Variants in FMN1 observed in about 807,000 individuals in gnomAD.
FMN1 encodes the protein formin-1.
Under a neutral mutation model 132.4 loss-of-function variants are expected in FMN1, and 110 were observed. The observed-to-expected ratio is 0.83, with a 90% confidence interval of 0.71 to 0.97. The LOEUF is 0.97. Among genes scored for constraint, FMN1 ranks in the 50% least tolerant of loss-of-function variants. FMN1 has a pLI of 0.00. For synonymous variants in FMN1, 722 were observed against 651.7 expected (o/e 1.11, Z -1.64); for missense variants, 1,792 against 1,705.3 (o/e 1.05, Z -0.90).
At chr15:32,802,664 C>T (rs967726582) in intron 18 of FMN1, among the ~76,000 whole-genome samples, 6 of 152,210 alleles carry the variant, frequency 3.9e-5, no homozygotes, top group East Asian at 1.9e-4. Context: ...GGCCCCTCCA[C>T]GCTGGGCCCC....
intron 7 of FMN1, among the ~76,000 whole-genome samples, chr15:32,976,954 C>A (rs771375521): frequency 1.3e-5 from 2 of 152,134 alleles, no homozygotes; most frequent in African/African-American, 4.8e-5. Flanking sequence ...TTCTGGGGGA[C>A]GTTAATCTGT....
At chr15:32,801,493 A>G (rs2057477095) in intron 18 of FMN1, among the ~76,000 whole-genome samples, 1 of 152,116 alleles carries the variant, frequency 6.6e-6, no homozygotes, top group South Asian at 2.1e-4. Flanking sequence ...TTGGCCGGGC[A>G]CAGTGGCTCA....
rs2056109296 is a variant in FMN1 at position 32,768,155 on chromosome 15, C to G, written c.*6155G>C. 1 of 152,132 alleles carries G rather than the reference C, an allele frequency of 6.6e-6. No individual in the cohort carries two copies. Among genetic ancestry groups the G allele is most frequent in the African/African-American group, 2.4e-5 (1 of 41,436 alleles). 9.4% of individuals were successfully genotyped at this position (152,132 alleles called of 1,614,324 possible). Reference sequence around the variant, plus strand: ...AGAAATCTGGAATTCAAAATCCATGCTAAGAGTTTCCAGAGTGTTCATCCC... The same window carrying G: ...AGAAATCTGGAATTCAAAATCCATGGTAAGAGTTTCCAGAGTGTTCATCCC... On this transcript the variant is annotated 3_prime_UTR_variant, in exon 21 of 21. Coordinates refer to ENST00000616417, the MANE Select transcript of FMN1 (RefSeq NM_001277313.2).
chr15:32,910,638 GT>G, intron 10 of FMN1, 103 bp from the exon 11 acceptor site: 1 of 860,586 alleles, frequency 1.2e-6, no homozygotes, highest in Non-Finnish European at 1.9e-6. Flanking sequence ...AGAGTATTGC[GT>G]TTTCTTACAC....
intron 6 of FMN1, among the ~76,000 whole-genome samples, chr15:33,036,534 G>A (rs553359715): frequency 2.6e-5 from 4 of 152,248 alleles, no homozygotes; most frequent in African/African-American, 4.8e-5. Context: ...TGAGAGCTGA[G>A]ATTTCTGTCA....
At chr15:32,935,736 G>A (rs921843779) in intron 9 of FMN1, among the ~76,000 whole-genome samples, 6 of 151,188 alleles carry the variant, frequency 4.0e-5, no homozygotes, top group Admixed American at 2.0e-4. Flanking sequence ...CAAGCGATTC[G>A]CCTGCCTCAG....
At position 32,812,179 on chromosome 15, in the gene FMN1, G is replaced by A. The variant is rs368128053; in HGVS notation, c.3929-7847C>T. Among the ~76,000 whole-genome samples the A allele has an allele frequency of 3.3e-5, 5 of 152,202 alleles. No individual in the cohort carries two copies. In the South Asian group the frequency reaches 6.2e-4, roughly 19 times the overall value. On this transcript the variant is annotated intron_variant, in intron 17 of 20. Transcript: ENST00000616417. The stretch of plus-strand genomic sequence containing the variant: ...TCAGTTTCCCCATATACACATCACC[G>A]GGAACATTCTAAATGTCTAGGACAA...
intron 4 of FMN1, among the ~76,000 whole-genome samples, chr15:33,138,459 A>G (rs888600406): frequency 6.6e-6 from 1 of 152,084 alleles, no homozygotes; most frequent in Admixed American, 6.6e-5. Flanking sequence ...CTCCCCAAGG[A>G]CAGTCTGGCA....
intron 4 of FMN1, among the ~76,000 whole-genome samples, chr15:33,134,780 T>C (rs1165968234): frequency 6.6e-6 from 1 of 152,224 alleles, no homozygotes; most frequent in Non-Finnish European, 1.5e-5. Context: ...GGTGGGCAGA[T>C]TACCTGAGGT....
chr15:33,069,793 T>C (rs1169180039), intron 5 of FMN1, among the ~76,000 whole-genome samples: 1 of 152,150 alleles, frequency 6.6e-6, no homozygotes, highest in Admixed American at 6.5e-5. Flanking sequence ...CTCCTGATCA[T>C]AGTATTTTTG....
intron 16 of FMN1, among the ~76,000 whole-genome samples, chr15:32,867,680 AC>A (rs929699779): frequency 1.5e-4 from 23 of 152,126 alleles, no homozygotes; most frequent in Admixed American, 1.3e-3. Context: ...TTTAGTAGAG[AC>A]GGGGTTTCAC....
intron 4 of FMN1, among the ~76,000 whole-genome samples, chr15:33,100,589 C>T (rs190430633): frequency 1.2e-4 from 18 of 152,166 alleles, no homozygotes; most frequent in Middle Eastern, 3.4e-3. Flanking sequence ...GGTCTTACGG[C>T]CCACAAAGTC....
chr15:32,974,676 A>C (rs1392054887), intron 7 of FMN1, among the ~76,000 whole-genome samples: 1 of 152,222 alleles, frequency 6.6e-6, no homozygotes, highest in Non-Finnish European at 1.5e-5. Flanking sequence ...GCACTGCAAG[A>C]GATTCCAATG....
chr15:33,067,449 T>C (rs2037793338), intron 5 of FMN1: 1 of 1,613,928 alleles, frequency 6.2e-7, no homozygotes, highest in African/African-American at 1.3e-5. Flanking sequence ...TCAGAATCAC[T>C]GGTGGTGTGC....
At chr15:32,876,293 A>T (rs745990101) in intron 16 of FMN1, among the ~76,000 whole-genome samples, 65 of 152,230 alleles carry the variant, frequency 4.3e-4, no homozygotes, top group African/African-American at 1.5e-3. Flanking sequence ...TACTATTTCT[A>T]TAAGTTTTAA....
chr15:33,157,872 C>G (rs1186330512), intron 3 of FMN1, among the ~76,000 whole-genome samples: 1 of 151,836 alleles, frequency 6.6e-6, no homozygotes, highest in African/African-American at 2.4e-5. Flanking sequence ...AGCCTGTACT[C>G]CCAGCTGCTA....
intron 15 of FMN1, among the ~76,000 whole-genome samples, chr15:32,892,951 A>T (rs1420454719): frequency 1.3e-5 from 2 of 152,174 alleles, no homozygotes; most frequent in Non-Finnish European, 2.9e-5. Context: ...GGTAAACAAC[A>T]TCTGGCATAT....
intron 16 of FMN1, among the ~76,000 whole-genome samples, chr15:32,867,509 G>T (rs1048523140): frequency 2.0e-5 from 3 of 147,380 alleles, no homozygotes; most frequent in Non-Finnish European, 4.5e-5. Context: ...GTCTCATCAG[G>T]TTTTTTTTTT....
intron 4 of FMN1, among the ~76,000 whole-genome samples, chr15:33,131,328 C>CAAA (rs10710700): frequency 1.7e-4 from 14 of 80,176 alleles, no homozygotes; most frequent in South Asian, 4.8e-4. Flanking sequence ...GACTCCATCT[C>CAAA]AAAAAAAAAA....
Sources: gnomAD v4.1 joint callset for allele counts (sites outside exome capture counted in the v4.1 genomes callset) on GRCh38, gnomAD v4.1.1 for gene constraint, MANE v1.5 for transcripts, NCBI Gene and HGNC (gene_info 2026-07-23, HGNC 2026-07-21) for gene names.